Variants in PRKCB observed in about 807,000 individuals in gnomAD.
PRKCB encodes protein kinase C beta type.
PRKCB carries 13 observed loss-of-function variants against 81.5 expected under a neutral mutation model. The observed-to-expected ratio is 0.16, with a 90% CI of 0.10 to 0.25. The LOEUF is 0.25. Ranked by LOEUF, PRKCB falls within the 10% of genes least tolerant of loss-of-function variation. PRKCB has a pLI of 1.00. For synonymous variants in PRKCB, 335 were observed against 321.4 expected (o/e 1.04, Z -0.45); for missense variants, 509 against 875.7 (o/e 0.58, Z 5.29).
intron 3 of PRKCB, among the ~76,000 whole-genome samples, chr16:24,009,266 C>T (rs572598168): frequency 6.6e-6 from 1 of 152,182 alleles, no homozygotes; most frequent in Admixed American, 6.5e-5. Flanking sequence ...TTTTGAGGAA[C>T]CTTCACACGG....
At chr16:24,203,925 T>C (rs2141988591) in intron 16 of PRKCB, among the ~76,000 whole-genome samples, 1 of 152,264 alleles carries the variant, frequency 6.6e-6, no homozygotes, top group African/African-American at 2.4e-5. Context: ...TGTAGCTTCC[T>C]GCCGTGATGC....
At chr16:23,927,535 C>A (rs1370249051) in intron 2 of PRKCB, among the ~76,000 whole-genome samples, 1 of 151,996 alleles carries the variant, frequency 6.6e-6, no homozygotes, top group African/African-American at 2.4e-5. Context: ...ACCACTCTGG[C>A]TGCCGTTAAA....
chr16:24,119,475 A>C (rs1448207360), intron 8 of PRKCB, among the ~76,000 whole-genome samples: 2 of 152,068 alleles, frequency 1.3e-5, no homozygotes, highest in Non-Finnish European at 2.9e-5. Flanking sequence ...AGTTCCCAGG[A>C]TGGGAAATGG....
chr16:24,138,053 T>G (rs974078581), intron 9 of PRKCB, among the ~76,000 whole-genome samples: 12 of 152,206 alleles, frequency 7.9e-5, no homozygotes, highest in Non-Finnish European at 1.5e-4. Context: ...TATCTGCATT[T>G]TTAAATCTGT....
intron 5 of PRKCB, among the ~76,000 whole-genome samples, chr16:24,065,929 A>T (rs1467877224): frequency 6.6e-6 from 1 of 152,206 alleles, no homozygotes; most frequent in East Asian, 1.9e-4. Context: ...TAAATATACC[A>T]TCCCGTTGTT....
intron 7 of PRKCB, among the ~76,000 whole-genome samples, chr16:24,100,556 G>A: frequency 6.6e-6 from 1 of 152,152 alleles, no homozygotes. Flanking sequence ...CTGGAATGAT[G>A]TTGCCTGGTG....
chr16:24,013,206 C>T (rs541712121), intron 3 of PRKCB, among the ~76,000 whole-genome samples: 2 of 152,288 alleles, frequency 1.3e-5, no homozygotes, highest in South Asian at 4.1e-4. Context: ...ACACCACATA[C>T]CTCTTCTTGC....
intron 5 of PRKCB, among the ~76,000 whole-genome samples, chr16:24,088,605 T>C (rs1165386448): frequency 6.6e-6 from 1 of 151,552 alleles, no homozygotes; most frequent in Non-Finnish European, 1.5e-5. Context: ...GGCACATGCC[T>C]GTAGTCCCAG....
chr16:24,048,802 C>A (rs1428570662), intron 5 of PRKCB, among the ~76,000 whole-genome samples: 1 of 152,086 alleles, frequency 6.6e-6, no homozygotes, highest in Non-Finnish European at 1.5e-5. Flanking sequence ...TTTCTAAAAC[C>A]CTTCCAAATG....
intron 5 of PRKCB, among the ~76,000 whole-genome samples, chr16:24,066,105 GTGTGT>G (rs1460233586): frequency 6.6e-6 from 1 of 151,654 alleles, no homozygotes; most frequent in Admixed American, 6.6e-5. Flanking sequence ...GTGTGTGTGT[GTGTGT>G]GTTTGTATGT....
chr16:23,978,451 C>T (rs1053444224), intron 2 of PRKCB, among the ~76,000 whole-genome samples: 4 of 152,214 alleles, frequency 2.6e-5, no homozygotes, highest in Non-Finnish European at 4.4e-5. Flanking sequence ...GTGGAATGTG[C>T]CATTTCTATT....
At chr16:24,103,866 C>A (rs544774860) in intron 7 of PRKCB, among the ~76,000 whole-genome samples, 2 of 152,066 alleles carry the variant, frequency 1.3e-5, no homozygotes, top group African/African-American at 4.8e-5. Flanking sequence ...AGTGCAACGC[C>A]GCGATCTTGG....
intron 5 of PRKCB, among the ~76,000 whole-genome samples, chr16:24,051,276 G>C (rs915090880): frequency 6.6e-6 from 1 of 152,190 alleles, no homozygotes; most frequent in Admixed American, 6.5e-5. Context: ...CAGGTAGGGC[G>C]GGAAACCAGC....
chr16:23,837,351 A>G, intron 1 of PRKCB, 24 bp from the exon 2 acceptor site: 2 of 1,613,538 alleles, frequency 1.2e-6, no homozygotes, highest in Non-Finnish European at 1.7e-6. Flanking sequence ...GCTGCCTGAC[A>G]TACACCTCCT....
chr16:23,987,048 G>C (rs898271268), intron 2 of PRKCB, among the ~76,000 whole-genome samples: 16 of 152,128 alleles, frequency 1.1e-4, no homozygotes, highest in African/African-American at 2.9e-4. Flanking sequence ...TCATCAGAAA[G>C]TGAGTATATC....
chr16:24,146,077 A>T (rs1004933510), intron 9 of PRKCB, among the ~76,000 whole-genome samples: 4 of 152,206 alleles, frequency 2.6e-5, no homozygotes, highest in Admixed American at 2.6e-4. Flanking sequence ...AGACAGAGGC[A>T]GAGATTGGAG....
intron 8 of PRKCB, among the ~76,000 whole-genome samples, chr16:24,123,457 G>A (rs1359411380): frequency 6.6e-6 from 1 of 152,194 alleles, no homozygotes; most frequent in Non-Finnish European, 1.5e-5. Context: ...TTAAGCAGGA[G>A]GGGACTTGGT....
intron 9 of PRKCB, among the ~76,000 whole-genome samples, chr16:24,145,724 A>C (rs1966978638): frequency 6.6e-6 from 1 of 152,194 alleles, no homozygotes; most frequent in Non-Finnish European, 1.5e-5. Context: ...CTTGCACACT[A>C]GTGTGGCCAT....
chr16:23,909,968 G>A (rs1963624589), intron 2 of PRKCB, among the ~76,000 whole-genome samples: 1 of 152,126 alleles, frequency 6.6e-6, no homozygotes, highest in African/African-American at 2.4e-5. Context: ...TGGGGGGTTA[G>A]GCTTCAACCA....
Sources: gnomAD v4.1 joint callset for allele counts (sites outside exome capture counted in the v4.1 genomes callset) on GRCh38, gnomAD v4.1.1 for gene constraint, MANE v1.5 for transcripts, NCBI Gene and HGNC (gene_info 2026-07-23, HGNC 2026-07-21) for gene names.